SNTG1: variants seen among roughly 807,000 people sequenced by gnomAD.
The protein encoded by SNTG1 is syntrophin gamma 1.
Under a neutral mutation model 74.7 loss-of-function variants are expected in SNTG1, and 39 were observed. The observed-to-expected ratio is 0.52, with a 90% CI of 0.40 to 0.68. The LOEUF is 0.68. Among genes scored for constraint, SNTG1 ranks in the 30% least tolerant of loss-of-function variants. SNTG1 has a pLI of 0.00. For missense variants in SNTG1, 685 were observed against 609.5 expected, an observed-to-expected ratio of 1.12 and a Z score of -1.30; for synonymous variants, 254 against 217.1, an observed-to-expected ratio of 1.17 and a Z score of -1.49.
At chr8:50,691,479 A>G (rs997108883) in intron 15 of SNTG1, among the ~76,000 whole-genome samples, 4 of 152,164 alleles carry the variant, frequency 2.6e-5, no homozygotes, top group Non-Finnish European at 4.4e-5. Context: ...GTTTGTCTGT[A>G]AAGTATTTTA....
intron 13 of SNTG1, among the ~76,000 whole-genome samples, chr8:50,621,063 CT>C (rs34101589): frequency 0.59 from 86,265 of 145,270 alleles, 27,217 homozygotes; most frequent in East Asian, 0.76. Flanking sequence ...AAAGAGATAA[CT>C]TTTTTTTTTT....
intron 1 of SNTG1, among the ~76,000 whole-genome samples, chr8:49,981,423 C>T (rs1812668747): frequency 1.1e-5 from 1 of 87,698 alleles, no homozygotes. Flanking sequence ...ATCTTGGAGG[C>T]AGGCTAGACT....
intron 15 of SNTG1, among the ~76,000 whole-genome samples, chr8:50,689,307 G>T (rs2131433032): frequency 6.6e-6 from 1 of 152,286 alleles, no homozygotes; most frequent in African/African-American, 2.4e-5. Flanking sequence ...AGTGGTGAGA[G>T]AGTGCATCCC....
intron 1 of SNTG1, among the ~76,000 whole-genome samples, chr8:50,166,134 A>G (rs1471113523): frequency 1.6e-5 from 1 of 62,996 alleles, no homozygotes; most frequent in Non-Finnish European, 3.1e-5. Context: ...GATGGATTAA[A>G]GATTTAAACG....
intron 1 of SNTG1, among the ~76,000 whole-genome samples, chr8:50,002,847 A>G (rs747895206): frequency 6.6e-6 from 1 of 152,214 alleles, no homozygotes; most frequent in African/African-American, 2.4e-5. Context: ...GAACAAACAA[A>G]TGTCCATCCA....
intron 8 of SNTG1, among the ~76,000 whole-genome samples, chr8:50,462,241 T>C (rs796359955): frequency 6.6e-6 from 1 of 151,124 alleles, no homozygotes; most frequent in African/African-American, 2.4e-5. Flanking sequence ...GAAGTACATA[T>C]ACAAGTTATA....
chr8:50,178,666 A>G (rs2083089994), intron 2 of SNTG1, among the ~76,000 whole-genome samples: 2 of 152,094 alleles, frequency 1.3e-5, no homozygotes, highest in South Asian at 2.1e-4. Context: ...CATGAATTCT[A>G]TAACCATCAG....
At chr8:50,700,670 A>T (rs886996417) in intron 15 of SNTG1, among the ~76,000 whole-genome samples, 2 of 150,176 alleles carry the variant, frequency 1.3e-5, no homozygotes, top group African/African-American at 5.0e-5. Flanking sequence ...CTCTCCCTAC[A>T]ATACAACTTT....
chr8:50,148,632 T>C (rs1359863188), intron 1 of SNTG1, among the ~76,000 whole-genome samples: 2 of 152,304 alleles, frequency 1.3e-5, no homozygotes, highest in East Asian at 1.9e-4. Context: ...TTCCCACCTA[T>C]GAGTGAGAAC....
chr8:49,984,329 C>A (rs1812955950), intron 1 of SNTG1, among the ~76,000 whole-genome samples: 1 of 151,896 alleles, frequency 6.6e-6, no homozygotes, highest in Non-Finnish European at 1.5e-5. Context: ...CCTCAGTCTC[C>A]CGAGTAGCTG....
At chr8:50,014,275 G>T (rs1341602336) in intron 1 of SNTG1, among the ~76,000 whole-genome samples, 1 of 152,056 alleles carries the variant, frequency 6.6e-6, no homozygotes. Context: ...CTCTGAGTGT[G>T]TTAGCTATTT....
At chr8:50,670,639 T>G (rs1464772622) in intron 15 of SNTG1, among the ~76,000 whole-genome samples, 1 of 141,530 alleles carries the variant, frequency 7.1e-6, no homozygotes. Context: ...ATAGATTCAA[T>G]GCCATCCCAA....
chr8:50,425,249 CAGGAG>C (rs374561647), intron 4 of SNTG1, among the ~76,000 whole-genome samples: 129,521 of 151,606 alleles, frequency 0.85, 55,444 homozygotes, highest in Non-Finnish European at 0.89. Context: ...TACCAGTCAG[CAGGAG>C]GTGACTGCTG....
chr8:50,776,693 T>G (rs1417938376), intron 18 of SNTG1, among the ~76,000 whole-genome samples: 1 of 151,684 alleles, frequency 6.6e-6, no homozygotes, highest in Non-Finnish European at 1.5e-5. Flanking sequence ...TATTCTTTCT[T>G]TCTTCCTAAG....
intron 1 of SNTG1, among the ~76,000 whole-genome samples, chr8:50,006,782 C>A (rs1469992403): frequency 1.3e-5 from 2 of 152,150 alleles, no homozygotes; most frequent in Non-Finnish European, 2.9e-5. Flanking sequence ...GAAAGGGATC[C>A]TTTCTCACAA....
chr8:50,763,648 TTGTGTG>T (rs141415804), intron 18 of SNTG1, among the ~76,000 whole-genome samples: 22,172 of 116,862 alleles, frequency 0.19, 2,071 homozygotes, highest in South Asian at 0.29. Flanking sequence ...ATTGCCTTTA[TTGTGTG>T]TGTGTGTGTG....
chr8:50,114,444 C>T (rs1196573947), intron 1 of SNTG1, among the ~76,000 whole-genome samples: 3 of 151,988 alleles, frequency 2.0e-5, no homozygotes, highest in East Asian at 3.8e-4. Flanking sequence ...AAATGCTGTA[C>T]AATATCACTT....
intron 2 of SNTG1, among the ~76,000 whole-genome samples, chr8:50,230,362 A>G (rs12544631): frequency 0.33 from 49,945 of 151,078 alleles, 8,915 homozygotes; most frequent in African/African-American, 0.47. Flanking sequence ...TTACTATGAA[A>G]GAAGGGACGT....
At chr8:50,211,211 A>C (rs1347949260) in intron 2 of SNTG1, among the ~76,000 whole-genome samples, 1 of 152,156 alleles carries the variant, frequency 6.6e-6, no homozygotes, top group East Asian at 1.9e-4. Context: ...TAGTGTAAAG[A>C]AACATGGAAA....
Sources: gnomAD v4.1 joint callset for allele counts (sites outside exome capture counted in the v4.1 genomes callset) on GRCh38, gnomAD v4.1.1 for gene constraint, MANE v1.5 for transcripts, NCBI Gene and HGNC (gene_info 2026-07-23, HGNC 2026-07-21) for gene names.